Variants in SLC26A11 observed in about 807,000 individuals in gnomAD.
The protein encoded by SLC26A11 is sodium-independent sulfate anion transporter.
SLC26A11 carries 58 observed loss-of-function variants against 62.2 expected under a neutral mutation model. The ratio of observed to expected loss-of-function variants is 0.93; its 90% CI spans 0.76 to 1.16. The LOEUF (loss-of-function observed/expected upper bound fraction) is 1.16. Ranked by LOEUF, SLC26A11 falls within the 50% of genes most tolerant of loss-of-function variation. SLC26A11 has a pLI of 0.00. For synonymous variants in SLC26A11, 411 were observed against 368.9 expected, an observed-to-expected ratio of 1.11 and a Z score of -1.31; for missense variants, 790 against 794.3, an observed-to-expected ratio of 0.99 and a Z score of 0.06.
chr17:80,245,865 G>A (rs2042978930), intron 11 of SLC26A11, among the ~76,000 whole-genome samples: 1 of 152,214 alleles, frequency 6.6e-6, no homozygotes, highest in Non-Finnish European at 1.5e-5. Context: ...GGTGACCCTT[G>A]CCCTGCTGGG....
At position 80,246,464 on chromosome 17, in the gene SLC26A11, G is replaced by A; in HGVS notation, c.1154-45G>A. 3 of 1,602,482 alleles carry A rather than the reference G, an allele frequency of 1.9e-6. No individual in the cohort carries two copies. Among genetic ancestry groups the A allele is most frequent in the Non-Finnish European group, 2.5e-6 (3 of 1,179,352 alleles). ...AGAGGCTGCTACGCTGCGTGCTGGG[G>A]GGACCCTGCACTCCCGAGGTCACCT... On this transcript the variant is annotated intron_variant, in intron 12 of 17. Coordinates refer to ENST00000361193, the MANE Select transcript of SLC26A11 (RefSeq NM_001166347.2). This position sits in a 1 kb window ranked among gnomAD's most constrained non-coding sequence, Gnocchi z 4.4.
chr17:80,230,373 C>T (rs8076230), intron 7 of SLC26A11, among the ~76,000 whole-genome samples: 15,801 of 151,968 alleles, frequency 0.1, 1,492 homozygotes, highest in East Asian at 0.56. Context: ...ACAGGAGGCA[C>T]AGCATGCCAC....
chr17:80,222,927 G>A lies in SLC26A11; in HGVS notation c.427+80G>A. 1 of 1,402,884 alleles carries A rather than the reference G, an allele frequency of 7.1e-7. No individual in the cohort carries two copies. Among genetic ancestry groups the A allele is most frequent in the Non-Finnish European group, 9.6e-7 (1 of 1,042,692 alleles). 86.9% of individuals were successfully genotyped at this position (1,402,884 alleles called of 1,614,324 possible). A position where few individuals can be genotyped will look rare whatever the true frequency, so the allele number is the denominator to read the frequency against. Reference sequence around the variant, plus strand: ...TTGCATTTCAAGTCTATCCCCGTGTGCGTGTGTGTGCGTGTTGGGGTGTGG... The same window carrying A: ...TTGCATTTCAAGTCTATCCCCGTGTACGTGTGTGTGCGTGTTGGGGTGTGG... On this transcript the variant is annotated intron_variant, in intron 4 of 17. Coordinates refer to ENST00000361193, the MANE Select transcript of SLC26A11 (RefSeq NM_001166347.2). The surrounding 1 kb of genome is among the most constrained non-coding windows in gnomAD (Gnocchi z 4.7).
chr17:80,239,325 C>T (rs1467883927), intron 9 of SLC26A11, among the ~76,000 whole-genome samples: 1 of 151,790 alleles, frequency 6.6e-6, no homozygotes, highest in Non-Finnish European at 1.5e-5. Flanking sequence ...GTAATCCGCC[C>T]ACCTCAGCCT....
chr17:80,233,584 A>ATTTTTTTTTTTTT (rs56289503), intron 7 of SLC26A11, among the ~76,000 whole-genome samples: 1 of 142,406 alleles, frequency 7.0e-6, no homozygotes, highest in Non-Finnish European at 1.5e-5. Flanking sequence ...CTCTTTCAGC[A>ATTTTTTTTTTTTT]TTTTTTTTTT....
chr17:80,236,683 C>T (rs2042702081), intron 7 of SLC26A11: 1 of 469,458 alleles, frequency 2.1e-6, no homozygotes, highest in African/African-American at 2.0e-5. Context: ...TGTCCAGTCA[C>T]CTGGAGCTTG....
chr17:80,241,802 C>G lies in SLC26A11; in HGVS notation c.1017C>G (p.Asn339Lys). The change falls in exon 10 of 18, where the codon AAC (asparagine) becomes AAG (lysine). Residue 339 changes from asparagine (N) to lysine (K), a missense_variant. Physicochemically the swap from Asn to Lys is moderately conservative, Grantham distance 94 (BLOSUM62 0). Transcript: ENST00000361193. ...ASQNNYRIDA[N>K]QELLAIGLTN... ...AGAATAATTACCGCATCGATGCCAA[C>G]CAGGAGCTGCTGGCCATCGGTAAGA... The G allele has an allele frequency of 2.5e-6, 4 of 1,614,160 alleles. No individual in the cohort carries two copies. The African/African-American group carries it at 5.3e-5, about 22-fold the overall frequency.
chr17:80,223,443 C>A lies in SLC26A11; in HGVS notation c.513+106C>A. ...AGTCCTGATCCCTGTGGCCAGTGGA[C>A]GTCTTGCTGTTTCAGATTGTCTTCC... On this transcript the variant is annotated intron_variant, in intron 5 of 17. Transcript: ENST00000361193. This position sits in a 1 kb window ranked among gnomAD's most constrained non-coding sequence, Gnocchi z 4.6. 1.9e-6 allele frequency: 2 copies of A among 1,041,770 alleles called. No individual in the cohort carries two copies. Among genetic ancestry groups the A allele is most frequent in the Non-Finnish European group, 2.9e-6 (2 of 689,262 alleles). The allele number at this position is 1,041,770 out of a possible 1,614,324, so 64.5% of individuals were successfully genotyped here. A position where few individuals can be genotyped will look rare whatever the true frequency, so the allele number is the denominator to read the frequency against.
chr17:80,236,954 G>A lies in SLC26A11; in HGVS notation c.763G>A (p.Ala255Thr), dbSNP rs373620978. 115 of 1,613,414 alleles carry A rather than the reference G, an allele frequency of 7.1e-5. No individual in the cohort carries two copies. Among genetic ancestry groups the A allele is most frequent in the East Asian group, 4.2e-4 (19 of 44,868 alleles). The change falls in exon 8 of 18, where the codon GCA (alanine) becomes ACA (threonine). Residue 255 changes from alanine to threonine, a missense_variant. By Grantham distance (58) the Ala-to-Thr change is moderately conservative. Transcript: ENST00000361193. ...TCGCAACGCCCTGGTGGTCTCCTTC[G>A]CAGCCCTGGTTGCGTACTCCTTCGA... ...TARNALVVSF[A>T]ALVAYSFEVT...
At chr17:80,251,538 G>T in intron 17 of SLC26A11, 137 bp downstream of exon 17, 3 of 1,127,244 alleles carry the variant, frequency 2.7e-6, no homozygotes, top group Non-Finnish European at 3.7e-6. Flanking sequence ...CGAGGCAGGT[G>T]GATCACCTGA....
chr17:80,238,437 A>G (rs2042758731), intron 9 of SLC26A11, among the ~76,000 whole-genome samples: 1 of 152,202 alleles, frequency 6.6e-6, no homozygotes, highest in African/African-American at 2.4e-5. Flanking sequence ...ACATTGAGCA[A>G]CATGCTTTAT....
At chr17:80,226,045 G>T in intron 6 of SLC26A11, 129 bp downstream of exon 6, 1 of 721,796 alleles carries the variant, frequency 1.4e-6, no homozygotes, top group Non-Finnish European at 2.4e-6. Flanking sequence ...AGCCCCATCA[G>T]CAGCACCTGC....
chr17:80,230,184 A>T (rs1598804859), intron 7 of SLC26A11, among the ~76,000 whole-genome samples: 1 of 134,064 alleles, frequency 7.5e-6, no homozygotes, highest in Non-Finnish European at 1.6e-5. Context: ...ACAGAGCGAG[A>T]CTCCTTCTCA....
At chr17:80,249,891 T>A (rs1328722372) in intron 16 of SLC26A11, among the ~76,000 whole-genome samples, 1 of 151,824 alleles carries the variant, frequency 6.6e-6, no homozygotes, top group African/African-American at 2.4e-5. Context: ...GGCGACAGAG[T>A]GGGACTCCAT....
chr17:80,220,470 G>A lies in SLC26A11; in HGVS notation c.-240G>A. On this transcript the variant is annotated 5_prime_UTR_variant, in exon 1 of 18. Coordinates refer to ENST00000361193, the MANE Select transcript of SLC26A11 (RefSeq NM_001166347.2). ...GCGGACCCAGCTGCGGCGACGCCAG[G>A]AGACCCCAAGCTGCATCGCCGAGTG... 3 of 640,242 alleles carry A rather than the reference G, an allele frequency of 4.7e-6. No homozygotes were observed. Among genetic ancestry groups the A allele is most frequent in the Non-Finnish European group, 7.2e-6 (3 of 419,164 alleles). The allele number at this position is 640,242 out of a possible 1,614,324, so 39.7% of individuals were successfully genotyped here.
intron 5 of SLC26A11, among the ~76,000 whole-genome samples, chr17:80,224,254 TGA>T (rs1229398287): frequency 2.7e-5 from 4 of 146,236 alleles, no homozygotes; most frequent in Admixed American, 6.9e-5. Flanking sequence ...AGGGAGTGTG[TGA>T]GTGTGTGCGT....
intron 16 of SLC26A11, among the ~76,000 whole-genome samples, chr17:80,249,680 C>A: frequency 6.6e-6 from 1 of 152,054 alleles, no homozygotes; most frequent in Non-Finnish European, 1.5e-5. Context: ...CCAAGGCGGG[C>A]AGATCACCTG....
chr17:80,238,626 G>A (rs186883393), intron 9 of SLC26A11, among the ~76,000 whole-genome samples: 45 of 152,126 alleles, frequency 3.0e-4, no homozygotes, highest in African/African-American at 9.4e-4. Flanking sequence ...CCTTCGTTCT[G>A]TCTTGTCACC....
At chr17:80,248,531 G>C (rs770854095) in intron 14 of SLC26A11, 44 bp from the exon 15 acceptor site, 3 of 1,530,790 alleles carry the variant, frequency 2.0e-6, no homozygotes. Context: ...CCTGGTGGAG[G>C]CCACCCGGTC....
Sources: gnomAD v4.1 joint callset for allele counts (sites outside exome capture counted in the v4.1 genomes callset) on GRCh38, gnomAD v4.1.1 for gene constraint, Gnocchi (gnomAD v3.1) non-coding constraint, MANE v1.5 for transcripts, NCBI Gene and HGNC (gene_info 2026-07-23, HGNC 2026-07-21) for gene names.